The following SLC44A1 variants were observed in gnomAD, a reference collection of about 807,000 sequenced individuals.
SLC44A1 encodes the protein choline transporter-like protein 1.
A neutral mutation model predicts 79.3 loss-of-function variants in SLC44A1; 26 were observed. The observed-to-expected ratio is 0.33, with a 90% CI of 0.24 to 0.46. The LOEUF (loss-of-function observed/expected upper bound fraction) is 0.46. Ranked by LOEUF, SLC44A1 falls within the 20% of genes least tolerant of loss-of-function variation. The pLI, the probability that SLC44A1 is intolerant of heterozygous loss-of-function variation, is 1.00. For synonymous variants in SLC44A1, 263 were observed against 286.2 expected (o/e 0.92, Z 0.82); for missense variants, 688 against 798.1 (o/e 0.86, Z 1.66).
At chr9:105,286,609 G>C (rs1564415630) in intron 1 of SLC44A1, among the ~76,000 whole-genome samples, 1 of 151,954 alleles carries the variant, frequency 6.6e-6, no homozygotes, top group Non-Finnish European at 1.5e-5. Context: ...ACCTTAATAC[G>C]TGCAGCTTTT....
At chr9:105,310,129 GA>G (rs1244412935) in intron 3 of SLC44A1, among the ~76,000 whole-genome samples, 1 of 151,616 alleles carries the variant, frequency 6.6e-6, no homozygotes, top group Non-Finnish European at 1.5e-5. Flanking sequence ...GGCTTGATTT[GA>G]AAAGGTTATT....
intron 13 of SLC44A1, among the ~76,000 whole-genome samples, chr9:105,381,549 A>G (rs1261307941): frequency 6.8e-6 from 1 of 147,586 alleles, no homozygotes; most frequent in Non-Finnish European, 1.5e-5. Flanking sequence ...CTCTGTCTCG[A>G]AAAAAAAAAA....
intron 12 of SLC44A1, 64 bp from the exon 13 acceptor site, chr9:105,374,534 A>T: frequency 6.6e-7 from 1 of 1,518,182 alleles, no homozygotes; most frequent in Non-Finnish European, 9.0e-7. Flanking sequence ...AGCTATGCTC[A>T]GTTTCTATCT....
At chr9:105,345,024 A>G (rs1827207061) in intron 4 of SLC44A1, among the ~76,000 whole-genome samples, 1 of 152,214 alleles carries the variant, frequency 6.6e-6, no homozygotes, top group Non-Finnish European at 1.5e-5. Flanking sequence ...TATGTTGTTT[A>G]TTATGTTGAG....
chr9:105,402,261 CTT>C (rs1828968412), downstream of SLC44A1, among the ~76,000 whole-genome samples: 1 of 151,974 alleles, frequency 6.6e-6, no homozygotes, highest in Admixed American at 6.6e-5. Flanking sequence ...AAGAGAAAGA[CTT>C]GGGAGGAAGG....
intron 1 of SLC44A1, among the ~76,000 whole-genome samples, chr9:105,293,261 G>A (rs970074905): frequency 1.3e-5 from 2 of 152,210 alleles, no homozygotes; most frequent in African/African-American, 4.8e-5. Context: ...ATGAAGGAAA[G>A]ATTGATAGCA....
Position 105,361,250 on chromosome 9 carries a change from G to C in SLC44A1, c.820G>C (p.Val274Leu), listed in dbSNP as rs1330502800. Residue 274 changes from valine to leucine, a missense_variant, in exon 8 of 16, where the codon GTT becomes CTT. Physicochemically the swap from Val to Leu is conservative, Grantham distance 32. Transcript: ENST00000374720. ...GCAAAGAAGGTCTCCCAAAGAAACT[G>C]TTACTCCTGAGCAGCTTCAGATAGC... Reference protein sequence around the residue: ...AKQRRSPKETVTPEQLQIAED... With the variant: ...AKQRRSPKETLTPEQLQIAED... 1 of 1,614,050 alleles carries C rather than the reference G, an allele frequency of 6.2e-7. No homozygotes were observed. Among genetic ancestry groups the C allele is most frequent in the Non-Finnish European group, 8.5e-7 (1 of 1,179,900 alleles).
chr9:105,283,623 T>C (rs891511593), intron 1 of SLC44A1, among the ~76,000 whole-genome samples: 2 of 152,244 alleles, frequency 1.3e-5, no homozygotes, highest in African/African-American at 4.8e-5. Flanking sequence ...GTCAGTTTGG[T>C]AAGTGTGAAA....
At chr9:105,288,190 T>A (rs1673141037) in intron 1 of SLC44A1, among the ~76,000 whole-genome samples, 1 of 152,238 alleles carries the variant, frequency 6.6e-6, no homozygotes, top group Non-Finnish European at 1.5e-5. Context: ...TTTATTATAA[T>A]CATTTTTATA....
chr9:105,334,276 C>T (rs1163859263), intron 3 of SLC44A1, among the ~76,000 whole-genome samples: 2 of 150,142 alleles, frequency 1.3e-5, no homozygotes, highest in African/African-American at 4.9e-5. Context: ...TTATACCTGA[C>T]CTTCATGCCG....
chr9:105,396,560 C>T lies in SLC44A1; in HGVS notation c.*7504C>T, dbSNP rs1038410647. 7.1e-6 allele frequency: 7 copies of T among 985,408 alleles called. No individual in the cohort carries two copies. In the South Asian group the frequency reaches 2.8e-4, roughly 40 times the overall value. The allele number at this position is 985,408 out of a possible 1,614,324, so 61.0% of individuals were successfully genotyped here. A position where few individuals can be genotyped will look rare whatever the true frequency, so the allele number is the denominator to read the frequency against. On this transcript the variant is annotated 3_prime_UTR_variant, in exon 16 of 16. Coordinates refer to ENST00000374720, the MANE Select transcript of SLC44A1 (RefSeq NM_080546.5). Reference sequence around the variant, plus strand: ...CAGTAGGGACCTGCTATTGATCTCTCAGGCACTGAGTCTTCACATCCAGTG... The same window carrying T: ...CAGTAGGGACCTGCTATTGATCTCTTAGGCACTGAGTCTTCACATCCAGTG...
intron 13 of SLC44A1, among the ~76,000 whole-genome samples, chr9:105,376,570 C>T (rs1828298174): frequency 6.6e-6 from 1 of 152,100 alleles, no homozygotes; most frequent in Admixed American, 6.6e-5. Context: ...GACAGGGTTT[C>T]TCCATGTTGG....
At chr9:105,268,579 C>T (rs981224064) in intron 1 of SLC44A1, among the ~76,000 whole-genome samples, 10 of 152,252 alleles carry the variant, frequency 6.6e-5, no homozygotes, top group African/African-American at 2.4e-4. Context: ...TCTCTGCTCA[C>T]TGCAACCTCC....
At chr9:105,311,158 G>C (rs991064626) in intron 3 of SLC44A1, among the ~76,000 whole-genome samples, 1 of 152,082 alleles carries the variant, frequency 6.6e-6, no homozygotes, top group Non-Finnish European at 1.5e-5. Flanking sequence ...ATTTTAGACT[G>C]TATGTTATTT....
intron 2 of SLC44A1, among the ~76,000 whole-genome samples, chr9:105,309,347 G>A (rs926548777): frequency 6.6e-6 from 1 of 152,090 alleles, no homozygotes; most frequent in Non-Finnish European, 1.5e-5. Flanking sequence ...ACATCTCTAC[G>A]CCTCAGTTTC....
intron 3 of SLC44A1, among the ~76,000 whole-genome samples, chr9:105,319,610 G>A (rs993141754): frequency 1.3e-5 from 2 of 151,954 alleles, no homozygotes; most frequent in South Asian, 2.1e-4. Flanking sequence ...TAGGGTGGTC[G>A]ACGCCCACCC....
intron 1 of SLC44A1, among the ~76,000 whole-genome samples, chr9:105,261,252 A>C (rs1433071378): frequency 6.6e-6 from 1 of 152,182 alleles, no homozygotes; most frequent in Non-Finnish European, 1.5e-5. Flanking sequence ...TCAGTATGAC[A>C]GGTAATCAGC....
chr9:105,255,461 A>G (rs1376332967), intron 1 of SLC44A1, among the ~76,000 whole-genome samples: 1 of 152,220 alleles, frequency 6.6e-6, no homozygotes, highest in Non-Finnish European at 1.5e-5. Flanking sequence ...GAGTAATGCT[A>G]TATGTAAGAA....
At chr9:105,267,939 G>C (rs1464599445) in intron 1 of SLC44A1, among the ~76,000 whole-genome samples, 1 of 152,138 alleles carries the variant, frequency 6.6e-6, no homozygotes, top group Non-Finnish European at 1.5e-5. Flanking sequence ...GGACTCATCA[G>C]ATTTCCCCAA....
Sources: allele counts gnomAD v4.1 joint callset (sites outside exome capture counted in the v4.1 genomes callset), GRCh38; gene constraint gnomAD v4.1.1; transcripts MANE v1.5; gene names NCBI Gene and HGNC (gene_info 2026-07-23, HGNC 2026-07-21).